The following ZDHHC8 variants were observed in gnomAD, a reference collection of about 807,000 sequenced individuals.
ZDHHC8 encodes the protein zDHHC palmitoyltransferase 8.
In ZDHHC8, 24 loss-of-function variants were observed where a neutral mutation model predicts 61.2. The observed-to-expected ratio is 0.39, with a 90% CI of 0.28 to 0.55. ZDHHC8 has a LOEUF of 0.55. ZDHHC8 is among the 20% of genes least tolerant of loss of function. The pLI is 0.60. For missense variants in ZDHHC8, 935 were observed against 1,102.1 expected (o/e 0.85, Z 2.15); for synonymous variants, 523 against 492.5 (o/e 1.06, Z -0.82).
At position 20,139,513 on chromosome 22, in the gene ZDHHC8, G is replaced by T. The variant is rs765443521; in HGVS notation, c.262G>T (p.Ala88Ser). ...EDEDKEDDFRAPLYKNVDVRG... is the reference protein window; with the variant it reads ...EDEDKEDDFRSPLYKNVDVRG... ...TGAGGACAAGGAGGACGACTTCCGG[G>T]CTCCGCTGTACAAGAACGTGGATGT... The change falls in exon 3 of 11, where the codon GCT (alanine) becomes TCT (serine). Residue 88 changes from alanine (A) to serine (S), a missense_variant. Ala to Ser is a moderately conservative substitution (Grantham distance 99). Around this residue, in one of 3 missense-constraint regions of ZDHHC8, gnomAD observed 199 missense variants for 334.0 expected, o/e 0.60. Transcript: ENST00000334554. 6.2e-7 allele frequency: 1 copy of T among 1,613,638 alleles called. No homozygotes were observed. Among genetic ancestry groups the T allele is most frequent in the Non-Finnish European group, 8.5e-7 (1 of 1,180,004 alleles).
Position 20,146,049 on chromosome 22 carries a change from CCG to C in ZDHHC8, c.*653_*654del. ...TGTCCCGTGTCTGTGTGCTGTGCTG[CCG>C]CGCCGTGTCTGATGTGTCAGTGCTC... On this transcript the variant is annotated 3_prime_UTR_variant, in exon 11 of 11. Transcript: ENST00000334554. The C allele has an allele frequency of 1.0e-6, 1 of 985,926 alleles. No individual in the cohort carries two copies. Among genetic ancestry groups the C allele is most frequent in the Non-Finnish European group, 1.2e-6 (1 of 830,054 alleles). 61.1% of individuals were successfully genotyped at this position (985,926 alleles called of 1,614,324 possible). A position where few individuals can be genotyped will look rare whatever the true frequency, so the allele number is the denominator to read the frequency against.
At chr22:20,136,252 C>T (rs1175885748) in intron 1 of ZDHHC8, among the ~76,000 whole-genome samples, 1 of 152,242 alleles carries the variant, frequency 6.6e-6, no homozygotes, top group African/African-American at 2.4e-5. Context: ...GCCTGGTGTG[C>T]ACCATCAGGT....
Position 20,143,663 on chromosome 22 carries a change from G to A in ZDHHC8, c.2033G>A (p.Gly678Asp). Residue 678 changes from glycine to aspartate, a missense_variant, in exon 10 of 11, where the codon GGC becomes GAC. This residue lies in a region of ZDHHC8 where 692 missense variants were observed against 731.4 expected (regional missense o/e 0.95). Coordinates refer to ENST00000334554, the MANE Select transcript of ZDHHC8 (RefSeq NM_013373.4). ...PARQGLPSPP[G>D]TPHSPSYAGP... Reference sequence around the variant, plus strand: ...CGCCAGGGCCTGCCCTCCCCGCCCGGCACTCCCCACTCACCATCCTACGCG... The same window carrying A: ...CGCCAGGGCCTGCCCTCCCCGCCCGACACTCCCCACTCACCATCCTACGCG... 3 of 1,608,426 alleles carry A rather than the reference G, an allele frequency of 1.9e-6. No individual in the cohort carries two copies. The highest frequency in any genetic ancestry group is 1.7e-6 in the Non-Finnish European group (2 of 1,179,146).
intron 5 of ZDHHC8, 167 bp downstream of exon 5, chr22:20,140,384 C>T: frequency 3.8e-6 from 3 of 789,516 alleles, no homozygotes; most frequent in Non-Finnish European, 5.9e-6. Flanking sequence ...TGCCCCGTCC[C>T]CTGCGCACAT....
At chr22:20,142,036 A>G (rs1450783421) in intron 9 of ZDHHC8, among the ~76,000 whole-genome samples, 2 of 152,176 alleles carry the variant, frequency 1.3e-5, no homozygotes, top group Non-Finnish European at 2.9e-5. Flanking sequence ...TGCAGTGATC[A>G]GGAACACCAA....
At chr22:20,142,706 T>G (rs1274675943) in intron 9 of ZDHHC8, 50 bp from the exon 10 acceptor site, 5 of 1,607,702 alleles carry the variant, frequency 3.1e-6, no homozygotes, top group Non-Finnish European at 4.2e-6. Flanking sequence ...GACTGGCGGC[T>G]GCAGGCGGGG....
intron 1 of ZDHHC8, 79 bp from the exon 2 acceptor site, chr22:20,139,115 C>T: frequency 6.5e-7 from 1 of 1,532,172 alleles, no homozygotes; most frequent in Non-Finnish European, 8.7e-7. Context: ...CAGGCCCAGC[C>T]TGCCGCACCA....
intron 6 of ZDHHC8, 81 bp downstream of exon 6, chr22:20,140,789 G>A: frequency 6.3e-7 from 1 of 1,595,510 alleles, no homozygotes; most frequent in African/African-American, 1.3e-5. Context: ...TGGTCCGTTT[G>A]GCTCTTGCCA....
At chr22:20,142,523 G>A (rs1351224374) in intron 9 of ZDHHC8, among the ~76,000 whole-genome samples, 1 of 152,184 alleles carries the variant, frequency 6.6e-6, no homozygotes, top group African/African-American at 2.4e-5. Context: ...GGCTCCAAGG[G>A]CAGAACCCCA....
chr22:20,143,908 T>C, intron 10 of ZDHHC8, 152 bp downstream of exon 10: 1 of 1,064,626 alleles, frequency 9.4e-7, no homozygotes, highest in Non-Finnish European at 1.3e-6. Flanking sequence ...CACCCTGCCT[T>C]GAAGGCCTTG....
At chr22:20,132,679 C>T (rs2050387569) in intron 1 of ZDHHC8, among the ~76,000 whole-genome samples, 1 of 152,254 alleles carries the variant, frequency 6.6e-6, no homozygotes. Context: ...GTGGGCTGGC[C>T]ATGGTGCACA....
At chr22:20,141,120 C>T in intron 7 of ZDHHC8, 97 bp from the exon 8 acceptor site, 1 of 1,587,632 alleles carries the variant, frequency 6.3e-7, no homozygotes, top group Non-Finnish European at 8.6e-7. Context: ...GAGCCGTAGA[C>T]AGATTCTTGG....
intron 1 of ZDHHC8, among the ~76,000 whole-genome samples, chr22:20,136,249 G>A (rs1602566978): frequency 6.6e-6 from 1 of 152,230 alleles, no homozygotes; most frequent in Non-Finnish European, 1.5e-5. Flanking sequence ...CGAGCCTGGT[G>A]TGCACCATCA....
At position 20,141,545 on chromosome 22, in the gene ZDHHC8, C is replaced by T. The variant is rs2050471330; in HGVS notation, c.1125+15C>T. The T allele has an allele frequency of 1.3e-6, 2 of 1,598,470 alleles. No homozygotes were observed. Among genetic ancestry groups the T allele is most frequent in the East Asian group, 4.5e-5 (2 of 44,598 alleles). On this transcript the variant is annotated intron_variant, in intron 9 of 10. Coordinates refer to ENST00000334554, the MANE Select transcript of ZDHHC8 (RefSeq NM_013373.4). ...CAGGCGAGCAGGTAAGGAGGCCTAGCCTGCCCCCTGGCAGGCCTCGTCCCC... is the reference window on the plus strand; with the variant it reads ...CAGGCGAGCAGGTAAGGAGGCCTAGTCTGCCCCCTGGCAGGCCTCGTCCCC...
Position 20,146,084 on chromosome 22 carries a change from C to G in ZDHHC8, c.*684C>G, listed in dbSNP as rs1018975749. On this transcript the variant is annotated 3_prime_UTR_variant, in exon 11 of 11. Coordinates refer to ENST00000334554, the MANE Select transcript of ZDHHC8 (RefSeq NM_013373.4). ...TCTGATGTGTCAGTGCTCCGGCCGC[C>G]GCTGTCCCTTTCATCAAAGCCTTAA... 1.0e-6 allele frequency: 1 copy of G among 985,852 alleles called. No individual in the cohort carries two copies. Among genetic ancestry groups the G allele is most frequent in the East Asian group, 1.1e-4 (1 of 8,814 alleles). The allele number at this position is 985,852 out of a possible 1,614,324, so 61.1% of individuals were successfully genotyped here. A position where few individuals can be genotyped will look rare whatever the true frequency, so the allele number is the denominator to read the frequency against.
intron 6 of ZDHHC8, 32 bp downstream of exon 6, chr22:20,140,740 G>A (rs764325258): frequency 1.2e-6 from 2 of 1,600,472 alleles, no homozygotes; most frequent in South Asian, 1.1e-5. Context: ...GTGGAGGGGG[G>A]CCTCTGCTGG....
chr22:20,146,552 G>C lies in ZDHHC8; in HGVS notation c.*1152G>C. On this transcript the variant is annotated 3_prime_UTR_variant, in exon 11 of 11. Transcript: ENST00000334554. ...GGCCCCAGAAGAGGGAGTGGCTGCTGTCTGGTGTGCAGGGGTCGGTGGGTT... is the reference window on the plus strand; with the variant it reads ...GGCCCCAGAAGAGGGAGTGGCTGCTCTCTGGTGTGCAGGGGTCGGTGGGTT... The C allele has an allele frequency of 6.1e-6, 6 of 991,646 alleles. No homozygotes were observed. Among genetic ancestry groups the C allele is most frequent in the Non-Finnish European group, 7.2e-6 (6 of 834,428 alleles). The allele number at this position is 991,646 out of a possible 1,614,324, so 61.4% of individuals were successfully genotyped here. A position where few individuals can be genotyped will look rare whatever the true frequency, so the allele number is the denominator to read the frequency against.
rs753307187 is a variant in ZDHHC8 at position 20,143,162 on chromosome 22, C to T, written c.1532C>T (p.Pro511Leu). The part of the protein sequence containing the change: ...VAGYHSPYLH[P>L]GATGDPPRPL... ...GGATACCACTCACCCTACCTGCATC[C>T]TGGGGCAACGGGCGACCCGCCACGG... The change falls in exon 10 of 11, where the codon CCT (proline) becomes CTT (leucine). Residue 511 changes from proline to leucine, a missense_variant. Physicochemically the swap from Pro to Leu is moderately conservative, Grantham distance 98. Transcript: ENST00000334554. The T allele has an allele frequency of 1.2e-6, 2 of 1,611,588 alleles. No individual in the cohort carries two copies. Among genetic ancestry groups the T allele is most frequent in the Admixed American group, 1.7e-5 (1 of 60,006 alleles).
chr22:20,132,993 C>T (rs1602564229), intron 1 of ZDHHC8, among the ~76,000 whole-genome samples: 1 of 152,328 alleles, frequency 6.6e-6, no homozygotes, highest in East Asian at 1.9e-4. Context: ...GGTGGGGCCA[C>T]CCCTGAGCAT....
Sources: gnomAD v4.1 joint callset for allele counts (sites outside exome capture counted in the v4.1 genomes callset) on GRCh38, gnomAD v4.1.1 for gene constraint, gnomAD v4.1.1 regional missense constraint, MANE v1.5 for transcripts, NCBI Gene and HGNC (gene_info 2026-07-23, HGNC 2026-07-21) for gene names.